ADCY5: variants seen among roughly 807,000 people sequenced by gnomAD.
ADCY5 encodes adenylate cyclase 5.
Under a neutral mutation model 119.7 loss-of-function variants are expected in ADCY5, and 30 were observed. That is an observed-to-expected ratio of 0.25 (90% CI 0.19 to 0.34). The LOEUF (loss-of-function observed/expected upper bound fraction) is 0.34, where lower values mean the gene tolerates loss of function less well. Ranked by LOEUF, ADCY5 falls within the 10% of genes least tolerant of loss-of-function variation. The pLI is 1.00. For missense variants in ADCY5, 1,324 were observed against 1,775.2 expected (o/e 0.75, Z 4.57); for synonymous variants, 753 against 762.2 (o/e 0.99, Z 0.20).
chr3:123,302,925 TA>T, intron 14 of ADCY5, 129 bp downstream of exon 14: 1 of 1,095,102 alleles, frequency 9.1e-7, no homozygotes, highest in Non-Finnish European at 1.3e-6. Context: ...GATACTGGGG[TA>T]AGCAGGCCTC....
chr3:123,391,076 C>T (rs1038774347), intron 1 of ADCY5, among the ~76,000 whole-genome samples: 4 of 152,228 alleles, frequency 2.6e-5, no homozygotes, highest in African/African-American at 9.6e-5. Context: ...GGGGGCCGCC[C>T]AGCACACCTG....
chr3:123,416,770 G>A (rs980278066), intron 1 of ADCY5, among the ~76,000 whole-genome samples: 1 of 152,152 alleles, frequency 6.6e-6, no homozygotes, highest in Non-Finnish European at 1.5e-5. Context: ...GAGGAGAGAG[G>A]GTGGGAGTGT....
In ADCY5 at chr3:123,370,935, G is replaced by A. The variant is rs528069218; in HGVS notation, c.1135-18354C>T. ...AAGGGAAGGCAGGATGAGGCTGGAGGTGTGAAAACACTAAGGCCACTCCAA... is the reference window on the plus strand; with the variant it reads ...AAGGGAAGGCAGGATGAGGCTGGAGATGTGAAAACACTAAGGCCACTCCAA... On this transcript the variant is annotated intron_variant, in intron 1 of 20. Coordinates refer to ENST00000462833, the MANE Select transcript of ADCY5 (RefSeq NM_183357.3). Among the ~76,000 whole-genome samples, 22 of 152,300 alleles carry A rather than the reference G, an allele frequency of 1.4e-4. No homozygotes were observed. In the East Asian group the frequency reaches 4.2e-3, roughly 29 times the overall value.
At chr3:123,396,749 GGAAGGAAGGAA>G (rs1944589713) in intron 1 of ADCY5, among the ~76,000 whole-genome samples, 2 of 78,170 alleles carry the variant, frequency 2.6e-5, no homozygotes, top group Non-Finnish European at 5.6e-5. Context: ...AAGGAAGGAA[GGAAGGAAGGAA>G]GGAAGGAAGG....
chr3:123,329,434 A>C (rs1941655327), intron 5 of ADCY5, among the ~76,000 whole-genome samples: 1 of 152,166 alleles, frequency 6.6e-6, no homozygotes, highest in Non-Finnish European at 1.5e-5. Flanking sequence ...GGGAGCTCCC[A>C]GTAGACAGGG....
Position 123,332,669 on chromosome 3 carries a change from C to T in ADCY5, c.1413G>A (p.Leu471=), listed in dbSNP as rs2078271267. The change falls in exon 4 of 21, where the codon CTG becomes CTA. Residue 471 remains leucine (L), a synonymous_variant. Coordinates refer to ENST00000462833, the MANE Select transcript of ADCY5 (RefSeq NM_183357.3). ...TGGTGAAGCCCTCGATGTCAGCAAA[C>T]AGGATGCTGGGGGACAGGCAGAGGA... is the stretch of plus-strand genomic sequence containing the variant. ...YIQKHDNVSI[L]FADIEGFTSL... 6.2e-7 allele frequency: 1 copy of T among 1,609,982 alleles called. No homozygotes were observed.
chr3:123,419,023 G>T (rs1225752921), intron 1 of ADCY5: 2 of 526,710 alleles, frequency 3.8e-6, no homozygotes, highest in Non-Finnish European at 4.9e-6. Context: ...CCAGCTTACA[G>T]ACAACAGCTC....
intron 17 of ADCY5, among the ~76,000 whole-genome samples, chr3:123,294,211 C>T (rs1204198961): frequency 1.3e-5 from 2 of 152,152 alleles, no homozygotes. Context: ...AGTAGAATGC[C>T]AACCAGCAAG....
intron 1 of ADCY5, among the ~76,000 whole-genome samples, chr3:123,388,219 A>T: frequency 6.6e-6 from 1 of 152,180 alleles, no homozygotes; most frequent in East Asian, 1.9e-4. Context: ...CAGATGAGAG[A>T]TGATGAAGGT....
intron 1 of ADCY5, among the ~76,000 whole-genome samples, chr3:123,369,407 G>GCCCA (rs753938150): frequency 3.3e-5 from 5 of 152,146 alleles, no homozygotes; most frequent in Non-Finnish European, 5.9e-5. Flanking sequence ...GAATGCCCAG[G>GCCCA]CCCACATCAG....
chr3:123,314,066 G>A (rs1050960663), intron 12 of ADCY5, among the ~76,000 whole-genome samples, 169 bp downstream of exon 12: 21 of 152,160 alleles, frequency 1.4e-4, no homozygotes, highest in Admixed American at 1.2e-3. Flanking sequence ...GACTCCAGGC[G>A]AGCTTGCTGC....
chr3:123,394,558 C>T (rs914353225), intron 1 of ADCY5, among the ~76,000 whole-genome samples: 3 of 152,096 alleles, frequency 2.0e-5, no homozygotes, highest in Admixed American at 6.5e-5. Context: ...TTGTTAAGCT[C>T]GTGCAGTTTA....
Position 123,319,874 on chromosome 3 carries a change from G to A in ADCY5, c.2112-56C>T, listed in dbSNP as rs192333589. 3.1e-6 allele frequency: 5 copies of A among 1,592,786 alleles called. No homozygotes were observed. In the East Asian group the frequency reaches 1.1e-4, roughly 36 times the overall value. ...GGCTGACCACAGGGGCACCAGCAGA[G>A]GGCTGGCTCTTCCGACCATCCCCCC... On this transcript the variant is annotated intron_variant, in intron 9 of 20. Coordinates refer to ENST00000462833, the MANE Select transcript of ADCY5 (RefSeq NM_183357.3).
chr3:123,371,134 C>T (rs1943626031), intron 1 of ADCY5, among the ~76,000 whole-genome samples: 1 of 152,168 alleles, frequency 6.6e-6, no homozygotes, highest in East Asian at 1.9e-4. Flanking sequence ...GTGAGCTCTG[C>T]AGTATCTCAA....
intron 19 of ADCY5, among the ~76,000 whole-genome samples, chr3:123,287,352 G>A (rs981566971): frequency 6.6e-6 from 1 of 152,166 alleles, no homozygotes; most frequent in African/African-American, 2.4e-5. Context: ...AGGCAACGCT[G>A]AGCATCACTG....
intron 1 of ADCY5, among the ~76,000 whole-genome samples, chr3:123,424,232 C>T (rs185210249): frequency 7.9e-5 from 12 of 152,332 alleles, no homozygotes; most frequent in South Asian, 4.1e-4. Flanking sequence ...CGCTGCCCCT[C>T]CGCTCAGGCC....
intron 1 of ADCY5, among the ~76,000 whole-genome samples, chr3:123,405,964 A>C (rs6802207): frequency 0.27 from 40,693 of 151,962 alleles, 5,529 homozygotes; most frequent in Middle Eastern, 0.36. Context: ...GATACTTTGA[A>C]ATCTGGGGTC....
intron 3 of ADCY5, among the ~76,000 whole-genome samples, chr3:123,342,378 G>T (rs1488743912): frequency 6.6e-6 from 1 of 152,156 alleles, no homozygotes. Context: ...CCTTAAAAGT[G>T]GGAGGTGTTG....
chr3:123,335,737 G>C (rs1941992938), intron 3 of ADCY5, among the ~76,000 whole-genome samples: 1 of 152,162 alleles, frequency 6.6e-6, no homozygotes, highest in African/African-American at 2.4e-5. Flanking sequence ...CACAGGGCCT[G>C]TGGAAACAGG....
Sources: allele counts gnomAD v4.1 joint callset (sites outside exome capture counted in the v4.1 genomes callset), GRCh38; gene constraint gnomAD v4.1.1; transcripts MANE v1.5; gene names NCBI Gene and HGNC (gene_info 2026-07-23, HGNC 2026-07-21).